Variants in PAICS observed in about 807,000 individuals in gnomAD.
PAICS encodes bifunctional phosphoribosylaminoimidazole carboxylase/phosphoribosylaminoimidazole succinocarboxamide synthetase.
In PAICS, 33 loss-of-function variants were observed where a neutral mutation model predicts 53.7. That is an observed-to-expected ratio of 0.61 (90% CI 0.47 to 0.82). The LOEUF is 0.82. Among genes scored for constraint, PAICS ranks in the 40% least tolerant of loss-of-function variants. The pLI, the probability that PAICS is intolerant of heterozygous loss-of-function variation, is 0.00. For missense variants in PAICS, 394 were observed against 494.1 expected, an observed-to-expected ratio of 0.80 and a Z score of 1.92; for synonymous variants, 141 against 167.2, an observed-to-expected ratio of 0.84 and a Z score of 1.21.
At position 56,464,464 on chromosome 4, in the gene PAICS, C is replaced by T. The variant is rs1353096574; in HGVS notation, c.*4926C>T. ...AAAGACTAATTCTCCACAGTCTATA[C>T]TCAATCTCTCTTACCTTTCCATAAT... On this transcript the variant is annotated 3_prime_UTR_variant, in exon 9 of 9. Coordinates refer to ENST00000512576, the MANE Select transcript of PAICS (RefSeq NM_001079524.2). 1 of 152,220 alleles carries T rather than the reference C, an allele frequency of 6.6e-6. No homozygotes were observed. Among genetic ancestry groups the T allele is most frequent in the Admixed American group, 6.5e-5 (1 of 15,284 alleles). The allele number at this position is 152,220 out of a possible 1,614,324, so 9.4% of individuals were successfully genotyped here. A position where few individuals can be genotyped will look rare whatever the true frequency, so the allele number is the denominator to read the frequency against.
chr4:56,430,430 T>G, the PAICS span, among the ~76,000 whole-genome samples: 1 of 152,118 alleles, frequency 6.6e-6, no homozygotes, highest in Non-Finnish European at 1.5e-5. Flanking sequence ...ATAAGGTCTC[T>G]GCGAGGGCAG....
In PAICS at chr4:56,460,562, T is replaced by G. The variant is rs1253382376; in HGVS notation, c.*1024T>G. The stretch of plus-strand genomic sequence containing the variant: ...CTCTCTTTTGCACCACAGACTTCTT[T>G]GAAAATATACATGCTGTTGACCCTC... On this transcript the variant is annotated 3_prime_UTR_variant, in exon 9 of 9. Coordinates refer to ENST00000512576, the MANE Select transcript of PAICS (RefSeq NM_001079524.2). The G allele has an allele frequency of 6.6e-6, 1 of 152,198 alleles. No individual in the cohort carries two copies. The highest frequency in any genetic ancestry group is 2.4e-5 in the African/African-American group (1 of 41,442). The allele number at this position is 152,198 out of a possible 1,614,324, so 9.4% of individuals were successfully genotyped here. A position where few individuals can be genotyped will look rare whatever the true frequency, so the allele number is the denominator to read the frequency against.
At chr4:56,449,643 T>C (rs1156413752) in intron 5 of PAICS, among the ~76,000 whole-genome samples, 1 of 151,512 alleles carries the variant, frequency 6.6e-6, no homozygotes, top group African/African-American at 2.4e-5. Flanking sequence ...ATAAAGAAAA[T>C]GTGATATACA....
intron 1 of PAICS, among the ~76,000 whole-genome samples, chr4:56,438,669 C>T (rs1718178717): frequency 6.6e-6 from 1 of 151,888 alleles, no homozygotes; most frequent in African/African-American, 2.4e-5. Flanking sequence ...AAACTCCTGA[C>T]CTCAAGTGAT....
At chr4:56,442,376 C>T (rs75027589) in intron 2 of PAICS, among the ~76,000 whole-genome samples, 4,248 of 152,218 alleles carry the variant, frequency 0.028, 86 homozygotes, top group Non-Finnish European at 0.042. Context: ...AACCCCAGAG[C>T]GCCCTCCTGT....
At chr4:56,453,065 T>A (rs1469758265) in intron 7 of PAICS, among the ~76,000 whole-genome samples, 1 of 152,216 alleles carries the variant, frequency 6.6e-6, no homozygotes, top group Non-Finnish European at 1.5e-5. Flanking sequence ...GGATAATTTA[T>A]AAATTTATCA....
rs557581176 is a variant in PAICS, at chr4:56,460,591, G to A, written c.*1053G>A. 2.0e-5 allele frequency: 3 copies of A among 152,312 alleles called. No homozygotes were observed. In the South Asian group the frequency reaches 6.2e-4, roughly 32 times the overall value. The allele number at this position is 152,312 out of a possible 1,614,324, so 9.4% of individuals were successfully genotyped here. A position where few individuals can be genotyped will look rare whatever the true frequency, so the allele number is the denominator to read the frequency against. ...AATATACATGCTGTTGACCCTCTCTGTAGAAAACCGCACACATAAAACTTA... is the reference window on the plus strand; with the variant it reads ...AATATACATGCTGTTGACCCTCTCTATAGAAAACCGCACACATAAAACTTA... On this transcript the variant is annotated 3_prime_UTR_variant, in exon 9 of 9. Coordinates refer to ENST00000512576, the MANE Select transcript of PAICS (RefSeq NM_001079524.2).
the PAICS span, among the ~76,000 whole-genome samples, chr4:56,413,319 T>C: frequency 2.6e-5 from 4 of 152,094 alleles, no homozygotes; most frequent in African/African-American, 7.2e-5. Flanking sequence ...CATGCCCAGC[T>C]AGTTTTTGTA....
chr4:56,435,896 C>T, upstream of PAICS: 1 of 1,485,796 alleles, frequency 6.7e-7, no homozygotes, highest in African/African-American at 1.4e-5. Flanking sequence ...ATATGCCCTT[C>T]CCTGCATGCT....
In PAICS at chr4:56,452,013, G is replaced by A. The variant is rs1226938650; in HGVS notation, c.913G>A (p.Gly305Arg). 6.2e-7 allele frequency: 1 copy of A among 1,608,914 alleles called. No individual in the cohort carries two copies. Among genetic ancestry groups the A allele is most frequent in the Admixed American group, 1.7e-5 (1 of 59,386 alleles). Residue 305 changes from glycine (G) to arginine (R), a missense_variant, in exon 7 of 9, where the codon GGA becomes AGA. Around this residue, in one of 3 missense-constraint regions of PAICS, gnomAD observed 131 missense variants for 205.5 expected, o/e 0.64. Transcript: ENST00000512576. The stretch of plus-strand genomic sequence containing the variant: ...ACTTCGAGTAACATCTGCGCATAAA[G>A]GACCAGATGAAACTCTGAGGATTAA... ...CELRVTSAHK[G>R]PDETLRIKAE...
At position 56,436,294 on chromosome 4, in the gene PAICS, C is replaced by G; in HGVS notation, c.-19C>G. The G allele has an allele frequency of 6.3e-7, 1 of 1,599,678 alleles. No homozygotes were observed. The highest frequency in any genetic ancestry group is 1.1e-5 in the South Asian group (1 of 88,162). Reference sequence around the variant, plus strand: ...CCTCGCTTCCCGGCGCGGTCGCAGCCCTCAGCCCACTTAGGATAATGGCGA... The same window carrying G: ...CCTCGCTTCCCGGCGCGGTCGCAGCGCTCAGCCCACTTAGGATAATGGCGA... On this transcript the variant is annotated 5_prime_UTR_variant, in exon 1 of 9. Coordinates refer to ENST00000512576, the MANE Select transcript of PAICS (RefSeq NM_001079524.2).
chr4:56,435,818 G>A (rs1224493426), upstream of PAICS: 7 of 1,509,364 alleles, frequency 4.6e-6, no homozygotes, highest in Non-Finnish European at 6.2e-6. Context: ...TTATTTTCCA[G>A]CACCCAACAG....
In PAICS at chr4:56,461,147, C is replaced by T. The variant is rs2110104305; in HGVS notation, c.*1609C>T. 1 of 152,298 alleles carries T rather than the reference C, an allele frequency of 6.6e-6. No homozygotes were observed. The highest frequency in any genetic ancestry group is 1.5e-5 in the Non-Finnish European group (1 of 68,040). 9.4% of individuals were successfully genotyped at this position (152,298 alleles called of 1,614,324 possible). Reference sequence around the variant, plus strand: ...CGCTGTCCATGAAACCTTCTGTAACCACAGTGACTACAAGTAGTTCTTTCT... The same window carrying T: ...CGCTGTCCATGAAACCTTCTGTAACTACAGTGACTACAAGTAGTTCTTTCT... On this transcript the variant is annotated 3_prime_UTR_variant, in exon 9 of 9. Coordinates refer to ENST00000512576, the MANE Select transcript of PAICS (RefSeq NM_001079524.2).
the PAICS span, among the ~76,000 whole-genome samples, chr4:56,427,569 G>A: frequency 6.6e-6 from 1 of 151,892 alleles, no homozygotes; most frequent in Non-Finnish European, 1.5e-5. Context: ...CTACTTGGGA[G>A]GCTGAGGCAG....
chr4:56,418,603 G>A, the PAICS span, among the ~76,000 whole-genome samples: 1 of 152,206 alleles, frequency 6.6e-6, no homozygotes, highest in African/African-American at 2.4e-5. Flanking sequence ...ACAGGCCTGA[G>A]CCACCATGCC....
upstream of PAICS, among the ~76,000 whole-genome samples, chr4:56,432,641 C>T (rs1312382898): frequency 2.1e-4 from 32 of 149,822 alleles, no homozygotes; most frequent in African/African-American, 7.9e-4. Context: ...AAAAATTAGC[C>T]GGGCGTGGTG....
At chr4:56,452,475 GC>G (rs1718970480) in intron 7 of PAICS, among the ~76,000 whole-genome samples, 1 of 152,104 alleles carries the variant, frequency 6.6e-6, no homozygotes, top group South Asian at 2.1e-4. Context: ...ACGCCTGGCC[GC>G]TAGGCTTTCT....
chr4:56,436,092 C>G (rs894101509), upstream of PAICS: 1 of 1,478,134 alleles, frequency 6.8e-7, no homozygotes, highest in African/African-American at 1.4e-5. Flanking sequence ...TGCGCCTGCG[C>G]GGCGGGAAGC....
chr4:56,417,612 G>T, the PAICS span, among the ~76,000 whole-genome samples: 1 of 151,968 alleles, frequency 6.6e-6, no homozygotes, highest in Non-Finnish European at 1.5e-5. Flanking sequence ...GAGACCCCAT[G>T]CCTAAAAAAA....
Sources: allele counts gnomAD v4.1 joint callset (sites outside exome capture counted in the v4.1 genomes callset), GRCh38; gene constraint gnomAD v4.1.1; regional missense constraint gnomAD v4.1.1; transcripts MANE v1.5; gene names NCBI Gene and HGNC (gene_info 2026-07-23, HGNC 2026-07-21).